RAP1GAP2: variants seen among roughly 807,000 people sequenced by gnomAD.
RAP1GAP2 encodes the protein rap1 GTPase-activating protein 2.
RAP1GAP2 carries 27 observed loss-of-function variants against 95.0 expected under a neutral mutation model. That is an observed-to-expected ratio of 0.28 (90% CI 0.21 to 0.39). RAP1GAP2 has a LOEUF of 0.39. Among genes scored for constraint, RAP1GAP2 ranks in the 10% least tolerant of loss-of-function variants. RAP1GAP2 has a pLI of 1.00. For synonymous variants in RAP1GAP2, 373 were observed against 380.9 expected, an observed-to-expected ratio of 0.98 and a Z score of 0.24; for missense variants, 771 against 970.0, an observed-to-expected ratio of 0.79 and a Z score of 2.72.
intron 1 of RAP1GAP2, among the ~76,000 whole-genome samples, chr17:2,762,397 CTTTT>C (rs71150894): frequency 1.6e-5 from 2 of 124,204 alleles, no homozygotes; most frequent in Admixed American, 8.4e-5. Flanking sequence ...TTTTTTCTTT[CTTTT>C]TTTTTTTTTT....
chr17:2,900,175 C>T (rs1205625799), intron 2 of RAP1GAP2, among the ~76,000 whole-genome samples: 1 of 152,188 alleles, frequency 6.6e-6, no homozygotes, highest in Non-Finnish European at 1.5e-5. Flanking sequence ...GCCCCAGAGC[C>T]ACCTGCTGCT....
intron 3 of RAP1GAP2, among the ~76,000 whole-genome samples, chr17:2,957,480 C>A (rs1018827802): frequency 2.4e-4 from 36 of 152,240 alleles, no homozygotes; most frequent in African/African-American, 8.4e-4. Context: ...TTCCCAGGGG[C>A]CGGCAGGCCC....
intron 23 of RAP1GAP2, among the ~76,000 whole-genome samples, chr17:3,032,167 G>A (rs966928506): frequency 3.4e-5 from 5 of 148,498 alleles, no homozygotes; most frequent in African/African-American, 5.0e-5. Flanking sequence ...CCAGACTATC[G>A]AGAGCTCCAG....
intron 3 of RAP1GAP2, among the ~76,000 whole-genome samples, chr17:2,923,339 T>A (rs1360386651): frequency 6.8e-6 from 1 of 147,140 alleles, no homozygotes; most frequent in African/African-American, 2.5e-5. Flanking sequence ...CGCCCGGCCT[T>A]TTTTTTTTTT....
At chr17:2,940,449 G>A (rs1393234359) in intron 3 of RAP1GAP2, among the ~76,000 whole-genome samples, 1 of 152,250 alleles carries the variant, frequency 6.6e-6, no homozygotes, top group Non-Finnish European at 1.5e-5. Context: ...CTGTGCATAG[G>A]TGGGAGTTGC....
chr17:2,991,188 G>A, intron 11 of RAP1GAP2, 109 bp from the exon 12 acceptor site: 2 of 871,246 alleles, frequency 2.3e-6, no homozygotes. Flanking sequence ...TGTGCTGGGA[G>A]ACAGGGAGAA....
intron 19 of RAP1GAP2, among the ~76,000 whole-genome samples, chr17:3,023,823 A>C (rs1240589148): frequency 6.6e-6 from 1 of 150,760 alleles, no homozygotes; most frequent in Non-Finnish European, 1.5e-5. Context: ...ACCCCCCGAC[A>C]GGCCCTGGTG....
chr17:2,976,070 G>A (rs1305452361), intron 8 of RAP1GAP2, among the ~76,000 whole-genome samples: 4 of 152,264 alleles, frequency 2.6e-5, no homozygotes, highest in African/African-American at 2.4e-5. Context: ...TAATAACGTC[G>A]TCTTGAATTT....
intron 1 of RAP1GAP2, among the ~76,000 whole-genome samples, chr17:2,762,389 TTTTC>T (rs1172017997): frequency 6.7e-6 from 1 of 149,922 alleles, no homozygotes; most frequent in Admixed American, 6.7e-5. Flanking sequence ...AAAGTTTCTT[TTTTC>T]TTTCTTTTTT....
intron 17 of RAP1GAP2, among the ~76,000 whole-genome samples, chr17:3,012,617 A>C (rs1350221229): frequency 9.6e-4 from 145 of 151,330 alleles, no homozygotes; most frequent in African/African-American, 3.2e-3. Flanking sequence ...AAAAAAAAAA[A>C]AAAAAAAAAA....
chr17:2,957,590 C>T (rs2044164671), intron 3 of RAP1GAP2, among the ~76,000 whole-genome samples, 169 bp from the exon 4 acceptor site: 1 of 152,204 alleles, frequency 6.6e-6, no homozygotes, highest in Non-Finnish European at 1.5e-5. Flanking sequence ...GTGTTTGGCC[C>T]TCTAGCCCTG....
intron 3 of RAP1GAP2, among the ~76,000 whole-genome samples, chr17:2,937,468 G>A (rs4790104): frequency 0.56 from 84,401 of 151,992 alleles, 24,547 homozygotes; most frequent in Non-Finnish European, 0.63. Flanking sequence ...GCATGGCAGC[G>A]TGTGCTGGGG....
intron 2 of RAP1GAP2, among the ~76,000 whole-genome samples, chr17:2,859,574 T>A (rs2072288303): frequency 6.6e-6 from 1 of 152,006 alleles, no homozygotes; most frequent in African/African-American, 2.4e-5. Context: ...TAGCTGGGAC[T>A]ACAGGTGTCC....
At chr17:2,847,047 C>T (rs1047686893) in intron 2 of RAP1GAP2, among the ~76,000 whole-genome samples, 15 of 152,314 alleles carry the variant, frequency 9.8e-5, no homozygotes, top group African/African-American at 2.9e-4. Flanking sequence ...CTTGCTCTGT[C>T]GCCCAGGTTG....
At chr17:2,873,531 G>C (rs1441105337) in intron 2 of RAP1GAP2, among the ~76,000 whole-genome samples, 1 of 136,386 alleles carries the variant, frequency 7.3e-6, no homozygotes, top group African/African-American at 2.7e-5. Flanking sequence ...GCTGCAGAAA[G>C]GTGTGTAAAG....
chr17:2,960,002 G>C (rs2044249815), intron 4 of RAP1GAP2, among the ~76,000 whole-genome samples: 1 of 151,350 alleles, frequency 6.6e-6, no homozygotes, highest in Admixed American at 6.6e-5. Context: ...GCACACGCCT[G>C]TAATCCCAGC....
intron 2 of RAP1GAP2, among the ~76,000 whole-genome samples, chr17:2,836,538 A>G (rs552394819): frequency 6.6e-6 from 1 of 152,130 alleles, no homozygotes; most frequent in South Asian, 2.1e-4. Context: ...AGGCTGAGGT[A>G]CGAGAATCGC....
At chr17:2,781,907 G>GTCTCTGTGTGGGCAC (rs2068669487) in intron 1 of RAP1GAP2, among the ~76,000 whole-genome samples, 1 of 147,622 alleles carries the variant, frequency 6.8e-6, no homozygotes. Flanking sequence ...TGTGTGTGCA[G>GTCTCTGTGTGGGCAC]GTCTCTGTGT....
chr17:2,865,481 A>G, intron 2 of RAP1GAP2, among the ~76,000 whole-genome samples: 1 of 152,164 alleles, frequency 6.6e-6, no homozygotes, highest in Non-Finnish European at 1.5e-5. Context: ...GAGAACAGAA[A>G]TTCTCACTTC....
Sources: allele counts gnomAD v4.1 joint callset (sites outside exome capture counted in the v4.1 genomes callset), GRCh38; gene constraint gnomAD v4.1.1; transcripts MANE v1.5; gene names NCBI Gene and HGNC (gene_info 2026-07-23, HGNC 2026-07-21).